The following PSG9 variants were observed in gnomAD, a reference collection of about 807,000 sequenced individuals.
PSG9 encodes pregnancy specific beta-1-glycoprotein 9, also known as pregnancy-specific beta-1-glycoprotein 9.
Under a neutral mutation model 41.9 loss-of-function variants are expected in PSG9, and 49 were observed. That is an observed-to-expected ratio of 1.17 (90% CI 0.93 to 1.48). The LOEUF is 1.48. PSG9 is among the 40% of genes most tolerant of loss of function. The pLI is 0.00. For synonymous variants in PSG9, 263 were observed against 196.8 expected, an observed-to-expected ratio of 1.34 and a Z score of -2.82; for missense variants, 641 against 520.3, an observed-to-expected ratio of 1.23 and a Z score of -2.26.
chr19:43,267,787 A>G lies in PSG9; in HGVS notation c.427T>C (p.Tyr143His), dbSNP rs1209379621. Residue 143 changes from tyrosine (Y) to histidine (H), a missense_variant, in exon 2 of 6, where the codon TAC becomes CAC. Transcript: ENST00000270077. ...GGGATCATGTGGAATCACTCACAGT[A>G]TAAGGTGAAGGTGAAATGTCGAATT... ...EEIRHFTFTL[Y>H]LETPKPYISS... is the part of the protein sequence containing the mutation. 1 of 1,612,710 alleles carries G rather than the reference A, an allele frequency of 6.2e-7. No individual in the cohort carries two copies. Among genetic ancestry groups the G allele is most frequent in the African/African-American group, 1.3e-5 (1 of 74,866 alleles).
At chr19:43,269,298 C>T (rs555721125) in intron 1 of PSG9, 70 bp downstream of exon 1, 3 of 1,609,464 alleles carry the variant, frequency 1.9e-6, no homozygotes, top group Non-Finnish European at 2.5e-6. Context: ...CAACCCCATC[C>T]TCTCCAGGAG....
Position 43,269,470 on chromosome 19 carries a change from G to A in PSG9, c.-39C>T, listed in dbSNP as rs376166511. ...TGTGTGTTCTCCTCTGTGGAGATGAGCCTGGGATCCAGAAGCTGTCTGAGC... is the reference window on the plus strand; with the variant it reads ...TGTGTGTTCTCCTCTGTGGAGATGAACCTGGGATCCAGAAGCTGTCTGAGC... On this transcript the variant is annotated 5_prime_UTR_variant, in exon 1 of 6. Transcript: ENST00000270077. 6 of 1,611,542 alleles carry A rather than the reference G, an allele frequency of 3.7e-6. No homozygotes were observed. Among genetic ancestry groups the A allele is most frequent in the Non-Finnish European group, 5.1e-6 (6 of 1,178,378 alleles).
At chr19:43,265,729 G>C (rs1385239699) in intron 2 of PSG9, among the ~76,000 whole-genome samples, 1 of 152,104 alleles carries the variant, frequency 6.6e-6, no homozygotes, top group African/African-American at 2.4e-5. Flanking sequence ...GTGTGCAGGA[G>C]GCCAGAAGAA....
In PSG9 at chr19:43,258,904, TC is replaced by T. The variant is rs779469435; in HGVS notation, c.940del (p.Asp314ThrfsTer13). The stretch of plus-strand genomic sequence containing the variant: ...GTTACTGCGGAGGCCACCATATCGG[TC>T]CCGTATTTCACATTGATAGGGTCCT... Reference protein sequence around the residue: ...ETGPYQCEIRDRYGGLRSNPV... With the variant: ...ETGPYQCEIRXRYGGLRSNPV... On this transcript the variant is annotated frameshift_variant, in exon 4 of 6. Coordinates refer to ENST00000270077, the MANE Select transcript of PSG9 (RefSeq NM_002784.5). LOFTEE classifies it high-confidence loss of function. 1.3e-4 allele frequency: 199 copies of T among 1,588,402 alleles called. 17 individuals are homozygous for T. Among genetic ancestry groups the T allele is most frequent in the Non-Finnish European group, 9.5e-5 (111 of 1,173,352 alleles).
At chr19:43,254,087 T>A (rs1201656706) in intron 5 of PSG9, among the ~76,000 whole-genome samples, 2 of 145,840 alleles carry the variant, frequency 1.4e-5, no homozygotes, top group Middle Eastern at 7.0e-3. Context: ...TCCTAGTGTT[T>A]TATGTGTTAC....
intron 5 of PSG9, chr19:43,257,603 T>C: frequency 1.0e-6 from 1 of 990,988 alleles, no homozygotes; most frequent in Non-Finnish European, 1.2e-6. Context: ...GAGGCTTGGC[T>C]TCAACTGGCA....
chr19:43,257,000 T>C (rs932297750), intron 5 of PSG9, among the ~76,000 whole-genome samples: 1 of 147,154 alleles, frequency 6.8e-6, no homozygotes, highest in African/African-American at 2.6e-5. Context: ...TATCTATACA[T>C]TGAAATGTTA....
In PSG9 at chr19:43,255,378, A is replaced by G. The variant is rs1476431491; in HGVS notation, c.1244-1732T>C. On this transcript the variant is annotated intron_variant, in intron 5 of 5. Coordinates refer to ENST00000270077, the MANE Select transcript of PSG9 (RefSeq NM_002784.5). ...GAAACCACCTCAACATAAAGGCAAT[A>G]TGTGAAAAACCCAATGCTAGCATCA... 3.4e-5 allele frequency among the ~76,000 whole-genome samples: 5 copies of G among 146,528 alleles called. 1 individual carries two copies. Among genetic ancestry groups the G allele is most frequent in the African/African-American group, 1.3e-4 (5 of 38,562 alleles).
intron 2 of PSG9, among the ~76,000 whole-genome samples, chr19:43,264,827 A>C (rs530368755): frequency 2.0e-5 from 3 of 152,296 alleles, no homozygotes; most frequent in African/African-American, 7.2e-5. Flanking sequence ...ACTGAGTGAC[A>C]AATTCCAAGC....
chr19:43,255,754 A>G (rs1968423698), intron 5 of PSG9, among the ~76,000 whole-genome samples: 1 of 147,068 alleles, frequency 6.8e-6, no homozygotes. Flanking sequence ...TTCAATTTAT[A>G]TTAACATCAA....
chr19:43,265,464 C>A (rs1287224003), intron 2 of PSG9, among the ~76,000 whole-genome samples: 1 of 152,130 alleles, frequency 6.6e-6, no homozygotes, highest in Non-Finnish European at 1.5e-5. Context: ...AGTCATGTGG[C>A]CCCTACCTGG....
Position 43,258,009 on chromosome 19 carries a change from G to A in PSG9, c.1243+193C>T, listed in dbSNP as rs1968512524. The A allele has an allele frequency of 3.9e-6, 6 of 1,525,058 alleles. 1 individual carries two copies. Among genetic ancestry groups the A allele is most frequent in the African/African-American group, 2.9e-5 (2 of 68,268 alleles). The allele number at this position is 1,525,058 out of a possible 1,614,324, so 94.5% of individuals were successfully genotyped here. A position where few individuals can be genotyped will look rare whatever the true frequency, so the allele number is the denominator to read the frequency against. ...CTTTTTCAGGCCAGACACAAGGTCAGCCATAAGAAAACAGAAAAACAAGGA... is the reference window on the plus strand; with the variant it reads ...CTTTTTCAGGCCAGACACAAGGTCAACCATAAGAAAACAGAAAAACAAGGA... On this transcript the variant is annotated intron_variant, in intron 5 of 5. Transcript: ENST00000270077.
chr19:43,264,302 A>G (rs1403687389), intron 2 of PSG9, among the ~76,000 whole-genome samples: 4 of 152,180 alleles, frequency 2.6e-5, no homozygotes, highest in Admixed American at 2.0e-4. Context: ...TTAAATATGA[A>G]GTTGAATATG....
Position 43,264,619 on chromosome 19 carries a change from G to A in PSG9, c.431-2481C>T, listed in dbSNP as rs193271962. ...ACTACAGGCGCCCACCACCACGCCCGGCTAATTTTTTGTATTTTTAATAGA... is the reference window on the plus strand; with the variant it reads ...ACTACAGGCGCCCACCACCACGCCCAGCTAATTTTTTGTATTTTTAATAGA... On this transcript the variant is annotated intron_variant, in intron 2 of 5. Coordinates refer to ENST00000270077, the MANE Select transcript of PSG9 (RefSeq NM_002784.5). Among the ~76,000 whole-genome samples, 715 of 152,040 alleles carry A rather than the reference G, an allele frequency of 4.7e-3. 6 individuals are homozygous for A. The highest frequency in any genetic ancestry group is 0.017 in the African/African-American group (694 of 41,476).
chr19:43,268,138 T>C lies in PSG9; in HGVS notation c.76A>G (p.Asn26Asp). 6.2e-7 allele frequency: 1 copy of C among 1,604,744 alleles called. No individual in the cohort carries two copies. Residue 26 changes from asparagine to aspartate, a missense_variant, in exon 2 of 6, where the codon AAC becomes GAC. Physicochemically the swap from Asn to Asp is conservative, Grantham distance 23 (BLOSUM62 1). Coordinates refer to ENST00000270077, the MANE Select transcript of PSG9 (RefSeq NM_002784.5). Reference protein sequence around the residue: ...KGLLLTASLLNFWNPPTTAEV... With the variant: ...KGLLLTASLLDFWNPPTTAEV... ...GCAGTGGTGGGCGGGTTCCAGAAGT[T>C]TAAAAGTGATGCTAGGAGGGGGAGA...
intron 2 of PSG9, among the ~76,000 whole-genome samples, chr19:43,264,468 T>C (rs1170438760): frequency 6.6e-6 from 1 of 151,912 alleles, no homozygotes; most frequent in East Asian, 1.9e-4. Flanking sequence ...ACAGCATTTT[T>C]TTTTTCTGAG....
At chr19:43,267,047 C>T (rs577350415) in intron 2 of PSG9, among the ~76,000 whole-genome samples, 1 of 152,116 alleles carries the variant, frequency 6.6e-6, no homozygotes, top group Non-Finnish European at 1.5e-5. Context: ...TATGTCAGAT[C>T]CCTGTGGACA....
At chr19:43,257,365 C>G (rs1042654795) in intron 5 of PSG9, 38 of 970,544 alleles carry the variant, frequency 3.9e-5, no homozygotes, top group Non-Finnish European at 4.3e-5. Context: ...GTAGTCTTAC[C>G]CTCTCTATAA....
At chr19:43,258,719 G>A in intron 4 of PSG9, 138 bp downstream of exon 4, 1 of 1,428,850 alleles carries the variant, frequency 7.0e-7, no homozygotes, top group South Asian at 1.4e-5. Context: ...TTTTCCCAGG[G>A]CAGGGAGTCA....
Sources: allele counts gnomAD v4.1 joint callset (sites outside exome capture counted in the v4.1 genomes callset), GRCh38; gene constraint gnomAD v4.1.1; transcripts MANE v1.5; gene names NCBI Gene and HGNC (gene_info 2026-07-23, HGNC 2026-07-21).